Variants in UPF3B observed in about 807,000 individuals in gnomAD.
UPF3B encodes regulator of nonsense transcripts 3B.
A neutral mutation model predicts 40.3 loss-of-function variants in UPF3B; 7 were observed. That is an observed-to-expected ratio of 0.17 (90% CI 0.10 to 0.33). The LOEUF (loss-of-function observed/expected upper bound fraction) is 0.33, where lower values mean the gene tolerates loss of function less well. UPF3B is among the 10% of genes least tolerant of loss of function. The pLI is 1.00. For missense variants in UPF3B, 229 were observed against 358.9 expected (o/e 0.64, Z 2.93); for synonymous variants, 117 against 117.3 (o/e 1.00, Z 0.01).
chrX:119,846,297 G>A (rs1322591964), intron 3 of UPF3B, among the ~76,000 whole-genome samples: 1 of 110,459 alleles, frequency 9.1e-6, no homozygotes, highest in Non-Finnish European at 1.9e-5. Context: ...TCATGCCACT[G>A]CACTCCAGCC....
At chrX:119,818,836 A>G (rs768366564) in intron 4 of UPF3B, among the ~76,000 whole-genome samples, 1 of 111,374 alleles carries the variant, frequency 9.0e-6, no homozygotes, top group African/African-American at 3.3e-5. Context: ...ATCATGAAGC[A>G]TCTATTGGGA....
At chrX:119,821,261 G>A (rs1285429453) in intron 4 of UPF3B, among the ~76,000 whole-genome samples, 1 of 112,173 alleles carries the variant, frequency 8.9e-6, no homozygotes, top group Non-Finnish European at 1.9e-5. Flanking sequence ...AGCAATGTCA[G>A]ATGCCATGCT....
rs1556382567 is a variant in UPF3B at position 119,849,503 on chromosome X, A to AAAG, written c.370+1991_370+1992insCTT. 1.2e-3 allele frequency among the ~76,000 whole-genome samples: 120 copies of AAAG among 101,340 alleles called. 1 individual carries two copies. Among genetic ancestry groups the AAAG allele is most frequent in the South Asian group, 5.9e-3 (13 of 2,196 alleles). 88.0% of individuals were successfully genotyped at this position (101,340 alleles called of 115,157 possible). A position where few individuals can be genotyped will look rare whatever the true frequency, so the allele number is the denominator to read the frequency against. ...GTTAAGACTCTGTCTCAAAAAAAAA[A>AAAG]AGAGAGAGAGAGAGAAGAAAAAGAA... On this transcript the variant is annotated intron_variant, in intron 3 of 10. Coordinates refer to ENST00000276201, the MANE Select transcript of UPF3B (RefSeq NM_080632.3).
At chrX:119,845,457 C>A (rs1009281244) in intron 3 of UPF3B, among the ~76,000 whole-genome samples, 161 bp from the exon 4 acceptor site, 2 of 112,151 alleles carry the variant, frequency 1.8e-5, no homozygotes, top group African/African-American at 6.5e-5. Flanking sequence ...AATCAACATA[C>A]TACAAAAGGA....
chrX:119,852,945 G>A lies in UPF3B; in HGVS notation c.-17C>T, dbSNP rs1462825042. 2 of 1,210,855 alleles carry A rather than the reference G, an allele frequency of 1.7e-6. No individual in the cohort carries two copies. Among genetic ancestry groups the A allele is most frequent in the Admixed American group, 4.4e-5 (2 of 45,931 alleles). On this transcript the variant is annotated 5_prime_UTR_variant, in exon 1 of 11. Coordinates refer to ENST00000276201, the MANE Select transcript of UPF3B (RefSeq NM_080632.3). ...TTCCTTCATGGCTACGTCCCCCGCT[G>A]AAGCGGCTTGGCCGGAACGGGGTTA...
intron 3 of UPF3B, among the ~76,000 whole-genome samples, chrX:119,846,783 C>T (rs1024500335): frequency 9.0e-6 from 1 of 111,095 alleles, no homozygotes; most frequent in East Asian, 2.8e-4. Flanking sequence ...AATTGGACTA[C>T]GTCAAAATTA....
rs148340557 is a variant in UPF3B, at chrX:119,806,644, T to A, written c.*11+831A>T. Among the ~76,000 whole-genome samples the A allele has an allele frequency of 9.4e-3, 1,049 of 111,453 alleles. 7 individuals carry two copies. The highest frequency in any genetic ancestry group is 0.06 in the Middle Eastern group (13 of 217). The stretch of plus-strand genomic sequence containing the variant: ...AATTTTGGCACCAACAAAAGTTTGT[T>A]CTATCCTTCACTGTACTTATACTAC... On this transcript the variant is annotated intron_variant, in intron 6 of 6. Coordinates refer to the UPF3B transcript ENST00000636792.
Position 119,851,889 on chromosome X carries a change from A to AGGT in UPF3B, c.157-17_157-16insACC. ...GAATTACCACCTTAAGAAATGCATA[A>AGGT]GGAAAATAAAATTAGTACAAATCAG... On this transcript the variant is annotated splice_polypyrimidine_tract_variant and intron_variant, in intron 1 of 10. Coordinates refer to ENST00000276201, the MANE Select transcript of UPF3B (RefSeq NM_080632.3). 1 of 1,081,304 alleles carries AGGT rather than the reference A, an allele frequency of 9.2e-7. No homozygotes were observed. Among genetic ancestry groups the AGGT allele is most frequent in the Non-Finnish European group, 1.3e-6 (1 of 781,554 alleles). The allele number at this position is 1,081,304 out of a possible 1,213,427, so 89.1% of individuals were successfully genotyped here.
rs1291539803 is a variant in UPF3B, at chrX:119,852,763, G to A, written c.156+10C>T. 1.6e-6 allele frequency: 2 copies of A among 1,212,322 alleles called. No individual in the cohort carries two copies. The highest frequency in any genetic ancestry group is 1.7e-5 in the African/African-American group (1 of 58,018). On this transcript the variant is annotated intron_variant, in intron 1 of 10. Coordinates refer to ENST00000276201, the MANE Select transcript of UPF3B (RefSeq NM_080632.3). ...CCCGCCCTCTCCCGGGCCAGCGGCC[G>A]ACCGGGCACCTTGCTCAGCGCTTCT...
intron 5 of UPF3B, among the ~76,000 whole-genome samples, chrX:119,809,410 C>T: frequency 8.9e-6 from 1 of 112,213 alleles, no homozygotes; most frequent in Non-Finnish European, 1.9e-5. Context: ...TATCAAGAAA[C>T]TGTGCATGGA....
intron 3 of UPF3B, among the ~76,000 whole-genome samples, chrX:119,828,872 C>A (rs185668936): frequency 9.1e-6 from 1 of 110,114 alleles, no homozygotes; most frequent in African/African-American, 3.3e-5. Flanking sequence ...AGGCGCCAAC[C>A]ACCACACCCA....
intron 3 of UPF3B, among the ~76,000 whole-genome samples, chrX:119,823,547 CT>C (rs202163727): frequency 0.023 from 1,948 of 86,047 alleles, 20 homozygotes; most frequent in Middle Eastern, 0.048. Flanking sequence ...CATTTCTTTT[CT>C]TTTTTTCCTC....
intron 3 of UPF3B, among the ~76,000 whole-genome samples, chrX:119,850,283 C>A (rs1314958104): frequency 9.0e-6 from 1 of 111,571 alleles, no homozygotes; most frequent in Non-Finnish European, 1.9e-5. Flanking sequence ...TGGGTGGAGA[C>A]CCTATCTCAA....
chrX:119,823,175 T>G lies in UPF3B; in HGVS notation c.393-132A>C, dbSNP rs192369051. The G allele has an allele frequency of 7.1e-3, 1,190 of 168,642 alleles. 2 individuals are homozygous for G. Among genetic ancestry groups the G allele is most frequent in the Middle Eastern group, 0.011 (3 of 284 alleles). 13.9% of individuals were successfully genotyped at this position (168,642 alleles called of 1,213,427 possible). A position where few individuals can be genotyped will look rare whatever the true frequency, so the allele number is the denominator to read the frequency against. ...TAAGACCAAATATATGAGGGCATGG[T>G]AAATGACAACTTGCCCACTTCCTCT... On this transcript the variant is annotated intron_variant, in intron 3 of 6. Coordinates refer to the UPF3B transcript ENST00000636792.
At chrX:119,826,351 C>T (rs1268954307) in intron 3 of UPF3B, among the ~76,000 whole-genome samples, 1 of 108,452 alleles carries the variant, frequency 9.2e-6, no homozygotes, top group African/African-American at 3.4e-5. Context: ...CCTGGTGGTG[C>T]GTGCCTATAA....
chrX:119,806,948 G>C (rs1376985260), intron 6 of UPF3B, among the ~76,000 whole-genome samples: 1 of 96,401 alleles, frequency 1.0e-5, no homozygotes, highest in African/African-American at 3.9e-5. Context: ...AGAATCAGTT[G>C]AACCCAGGAG....
At chrX:119,814,691 T>C (rs1213953619) in intron 5 of UPF3B, among the ~76,000 whole-genome samples, 3 of 111,707 alleles carry the variant, frequency 2.7e-5, no homozygotes, top group African/African-American at 9.7e-5. Flanking sequence ...CATTTCCCCC[T>C]GCAAATTGCA....
At chrX:119,840,914 T>C (rs937387407) in intron 7 of UPF3B, among the ~76,000 whole-genome samples, 162 bp downstream of exon 7, 23 of 111,775 alleles carry the variant, frequency 2.1e-4, no homozygotes, top group Admixed American at 1.1e-3. Flanking sequence ...ATTTAAAAAC[T>C]AATACTATTA....
chrX:119,845,307 A>G lies in UPF3B; in HGVS notation c.371-11T>C, dbSNP rs1352323835. 9.5e-6 allele frequency: 11 copies of G among 1,154,089 alleles called. No individual in the cohort carries two copies. The highest frequency in any genetic ancestry group is 1.3e-5 in the Non-Finnish European group (11 of 845,931). ...CGGGATATTCCTGACCTGTTTAGAA[A>G]AAAAATACCACACTTGCTATAACAA... On this transcript the variant is annotated splice_polypyrimidine_tract_variant and intron_variant, in intron 3 of 10. Transcript: ENST00000276201.
Sources: gnomAD v4.1 joint callset for allele counts (sites outside exome capture counted in the v4.1 genomes callset) on GRCh38, gnomAD v4.1.1 for gene constraint, MANE v1.5 for transcripts, NCBI Gene and HGNC (gene_info 2026-07-23, HGNC 2026-07-21) for gene names.